The following GPC6 variants were observed in gnomAD, a reference collection of about 807,000 sequenced individuals.
The protein encoded by GPC6 is glypican 6, also known as glypican-6.
A neutral mutation model predicts 55.2 loss-of-function variants in GPC6; 14 were observed. The ratio of observed to expected loss-of-function variants is 0.25; its 90% CI spans 0.17 to 0.40. The LOEUF (loss-of-function observed/expected upper bound fraction) is 0.40. GPC6 is among the 10% of genes least tolerant of loss of function. GPC6 has a pLI of 1.00. For missense variants in GPC6, 641 were observed against 708.5 expected, an observed-to-expected ratio of 0.90 and a Z score of 1.08; for synonymous variants, 278 against 259.6, an observed-to-expected ratio of 1.07 and a Z score of -0.68.
At chr13:93,760,761 A>G (rs1336361901) in intron 2 of GPC6, among the ~76,000 whole-genome samples, 1 of 152,180 alleles carries the variant, frequency 6.6e-6, no homozygotes, top group Non-Finnish European at 1.5e-5. Flanking sequence ...AAATGATTAC[A>G]TGTTCATTTC....
intron 6 of GPC6, among the ~76,000 whole-genome samples, chr13:94,363,480 A>G (rs1879151697): frequency 1.3e-5 from 2 of 152,216 alleles, no homozygotes; most frequent in Admixed American, 1.3e-4. Flanking sequence ...GAGGTCAGAG[A>G]AAAATGAGTT....
At chr13:93,843,292 G>A (rs1201854406) in intron 3 of GPC6, among the ~76,000 whole-genome samples, 1 of 151,992 alleles carries the variant, frequency 6.6e-6, no homozygotes, top group African/African-American at 2.4e-5. Context: ...TTTTCACTCT[G>A]AATTCCAAGG....
intron 3 of GPC6, among the ~76,000 whole-genome samples, chr13:93,988,470 C>T (rs1408612637): frequency 2.0e-5 from 3 of 152,176 alleles, no homozygotes; most frequent in African/African-American, 7.2e-5. Flanking sequence ...TTAAATGATT[C>T]TTATAATCTA....
chr13:93,281,451 C>T (rs1476688588), intron 1 of GPC6, among the ~76,000 whole-genome samples: 1 of 152,140 alleles, frequency 6.6e-6, no homozygotes, highest in Non-Finnish European at 1.5e-5. Flanking sequence ...GTAAGAAACC[C>T]AAATAATTAA....
intron 6 of GPC6, among the ~76,000 whole-genome samples, chr13:94,379,385 A>T (rs1255813944): frequency 6.6e-6 from 1 of 152,166 alleles, no homozygotes; most frequent in African/African-American, 2.4e-5. Context: ...TATCTCCTTC[A>T]ACTGCACAAT....
intron 3 of GPC6, among the ~76,000 whole-genome samples, chr13:93,988,667 C>G (rs947177254): frequency 6.6e-6 from 1 of 151,974 alleles, no homozygotes; most frequent in Non-Finnish European, 1.5e-5. Context: ...GGGCACTAAT[C>G]CCACTCATGA....
intron 4 of GPC6, among the ~76,000 whole-genome samples, chr13:94,197,034 G>GTTT (rs147266802): frequency 1.3e-5 from 2 of 151,788 alleles, no homozygotes; most frequent in Non-Finnish European, 2.9e-5. Context: ...CAAAATGTGG[G>GTTT]TTTTTTTTAA....
At chr13:93,320,094 G>A (rs1010781775) in intron 1 of GPC6, among the ~76,000 whole-genome samples, 1 of 151,988 alleles carries the variant, frequency 6.6e-6, no homozygotes, top group African/African-American at 2.4e-5. Context: ...AAGCAAAGGG[G>A]AAAAGGACAG....
chr13:93,980,343 G>C (rs1880739645), intron 3 of GPC6, among the ~76,000 whole-genome samples: 1 of 152,076 alleles, frequency 6.6e-6, no homozygotes, highest in African/African-American at 2.4e-5. Flanking sequence ...TTGTTTTGCT[G>C]AGCCATAAAA....
rs191924035 is a variant in GPC6, at chr13:93,709,710, C to T, written c.320-120444C>T. Among the ~76,000 whole-genome samples the T allele has an allele frequency of 4.2e-3, 637 of 151,814 alleles. 12 individuals carry two copies. Among genetic ancestry groups the T allele is most frequent in the South Asian group, 5.8e-3 (28 of 4,822 alleles). On this transcript the variant is annotated intron_variant, in intron 2 of 8. Transcript: ENST00000377047. ...ATTGGAAAAAATACATTGTGTATCT[C>T]CAAACTGGGACTTTGGGTTTACTCA...
At chr13:93,876,684 C>T (rs1889307444) in intron 3 of GPC6, among the ~76,000 whole-genome samples, 1 of 152,016 alleles carries the variant, frequency 6.6e-6, no homozygotes, top group African/African-American at 2.4e-5. Context: ...CCATTTATTT[C>T]CTTTCTTGTC....
chr13:93,979,459 T>C (rs778443539), intron 3 of GPC6, among the ~76,000 whole-genome samples: 12 of 152,036 alleles, frequency 7.9e-5, no homozygotes, highest in Non-Finnish European at 1.5e-4. Flanking sequence ...TGCTTTTTTT[T>C]AATTCCTGGC....
At chr13:93,413,095 G>T (rs1338409260) in intron 1 of GPC6, among the ~76,000 whole-genome samples, 1 of 152,166 alleles carries the variant, frequency 6.6e-6, no homozygotes, top group East Asian at 1.9e-4. Context: ...GATTATCAGT[G>T]ATAAAAATAA....
chr13:93,880,916 G>T (rs550702335), intron 3 of GPC6, among the ~76,000 whole-genome samples: 58 of 150,942 alleles, frequency 3.8e-4, no homozygotes, highest in South Asian at 1.7e-3. Context: ...TAAGAATTAT[G>T]TGTATTCTTC....
intron 1 of GPC6, among the ~76,000 whole-genome samples, chr13:93,530,386 C>G (rs879848388): frequency 1.3e-5 from 2 of 152,168 alleles, no homozygotes; most frequent in African/African-American, 2.4e-5. Context: ...TAATTCATTA[C>G]TGTACTTTGG....
At chr13:93,688,220 G>A (rs1434024697) in intron 2 of GPC6, among the ~76,000 whole-genome samples, 1 of 152,040 alleles carries the variant, frequency 6.6e-6, no homozygotes, top group Non-Finnish European at 1.5e-5. Context: ...ATACTGAGGA[G>A]TTGAAGAAAT....
intron 1 of GPC6, among the ~76,000 whole-genome samples, chr13:93,442,827 G>A (rs943060081): frequency 5.5e-5 from 8 of 145,656 alleles, no homozygotes; most frequent in African/African-American, 2.0e-4. Flanking sequence ...AAAATCAGAG[G>A]GACATTCTCA....
chr13:93,247,689 A>G (rs1876650954), intron 1 of GPC6, among the ~76,000 whole-genome samples: 1 of 152,198 alleles, frequency 6.6e-6, no homozygotes, highest in African/African-American at 2.4e-5. Context: ...TTTCAATTGA[A>G]TATAAAATAC....
Position 93,869,949 on chromosome 13 carries a change from T to C in GPC6, c.711+39404T>C, listed in dbSNP as rs780564393. Among the ~76,000 whole-genome samples the C allele has an allele frequency of 1.1e-4, 17 of 151,952 alleles. 1 individual carries two copies. Among genetic ancestry groups the C allele is most frequent in the Admixed American group, 3.3e-4 (5 of 15,238 alleles). On this transcript the variant is annotated intron_variant, in intron 3 of 8. Transcript: ENST00000377047. ...CTGCAATGGAAGGAACACAGTAACC[T>C]GAGGTGGGAGATGGCAATTTTGATC...
Sources: gnomAD v4.1 joint callset for allele counts (sites outside exome capture counted in the v4.1 genomes callset) on GRCh38, gnomAD v4.1.1 for gene constraint, MANE v1.5 for transcripts, NCBI Gene and HGNC (gene_info 2026-07-23, HGNC 2026-07-21) for gene names.